The following SCGB2B2 variants were observed in gnomAD, a reference collection of about 807,000 sequenced individuals.
The protein encoded by SCGB2B2 is secretoglobin family 2B member 2, also known as secretoglobin-like protein.
In SCGB2B2, 11 loss-of-function variants were observed where a neutral mutation model predicts 7.6. The observed-to-expected ratio is 1.45, with a 90% CI of 0.91 to 2.40. The LOEUF is 2.40. Among genes scored for constraint, SCGB2B2 ranks in the 30% most tolerant of loss-of-function variants. The pLI, the probability that SCGB2B2 is intolerant of heterozygous loss-of-function variation, is 0.00. For synonymous variants in SCGB2B2, 50 were observed against 48.6 expected (o/e 1.03, Z -0.12); for missense variants, 104 against 115.4 (o/e 0.90, Z 0.45).
intron 1 of SCGB2B2, among the ~76,000 whole-genome samples, chr19:34,665,243 G>A (rs966310532): frequency 9.9e-5 from 15 of 152,238 alleles, no homozygotes; most frequent in Non-Finnish European, 2.1e-4. Flanking sequence ...TGGTCACAAG[G>A]CGTGCAGCCT....
At chr19:34,615,850 C>T (rs1261754522) in intron 1 of SCGB2B2, among the ~76,000 whole-genome samples, 1 of 127,658 alleles carries the variant, frequency 7.8e-6, no homozygotes, top group Non-Finnish European at 1.6e-5. Context: ...CCCCCCACCC[C>T]ACAACAGTCC....
chr19:34,641,482 G>T (rs2066838959), intron 1 of SCGB2B2, among the ~76,000 whole-genome samples: 1 of 152,190 alleles, frequency 6.6e-6, no homozygotes, highest in South Asian at 2.1e-4. Flanking sequence ...TGGGGAATTG[G>T]CAAATTGAAC....
intron 1 of SCGB2B2, among the ~76,000 whole-genome samples, chr19:34,666,045 C>G (rs1277184473): frequency 6.6e-6 from 1 of 152,140 alleles, no homozygotes; most frequent in East Asian, 1.9e-4. Flanking sequence ...CACCTTTCAG[C>G]TGCAGTCTCC....
At chr19:34,664,659 A>G (rs1027578335) in intron 1 of SCGB2B2, among the ~76,000 whole-genome samples, 4 of 152,062 alleles carry the variant, frequency 2.6e-5, no homozygotes, top group African/African-American at 9.7e-5. Context: ...GTGCTGTGTC[A>G]CTGTTCCAGC....
chr19:34,635,545 G>T, intron 1 of SCGB2B2: 1 of 263,340 alleles, frequency 3.8e-6, no homozygotes, highest in South Asian at 5.3e-5. Context: ...TGAACTCTCT[G>T]GTGTACAGTA....
intron 1 of SCGB2B2, among the ~76,000 whole-genome samples, chr19:34,655,869 G>A (rs778108218): frequency 6.6e-6 from 1 of 151,148 alleles, no homozygotes; most frequent in Non-Finnish European, 1.5e-5. Flanking sequence ...CAAGGTCACA[G>A]GAGGAATGCA....
downstream of SCGB2B2, among the ~76,000 whole-genome samples, chr19:34,588,698 C>G (rs2065234150): frequency 6.6e-6 from 1 of 152,198 alleles, no homozygotes. Flanking sequence ...GTGCACTCAA[C>G]CAACATGACC....
At position 34,590,868 on chromosome 19, in the gene SCGB2B2, A is replaced by C. The variant is rs1433001814; in HGVS notation, c.*2687T>G. 3.3e-5 allele frequency among the ~76,000 whole-genome samples: 5 copies of C among 152,188 alleles called. No individual in the cohort carries two copies. Among genetic ancestry groups the C allele is most frequent in the African/African-American group, 1.2e-4 (5 of 41,450 alleles). ...ACATTTTCCTTATTCTTTCAAACAC[A>C]TGTGAAATGCTTTTGCATCTCAAAG... On this transcript the variant is annotated 3_prime_UTR_variant, in exon 4 of 4. Transcript: ENST00000601241.
At chr19:34,621,163 CTTT>C (rs1441169684) in intron 1 of SCGB2B2, among the ~76,000 whole-genome samples, 1 of 152,122 alleles carries the variant, frequency 6.6e-6, no homozygotes, top group East Asian at 1.9e-4. Flanking sequence ...TTAATTATAA[CTTT>C]TTTTGTATAA....
At chr19:34,607,779 A>AT (rs2065822209) in intron 1 of SCGB2B2, among the ~76,000 whole-genome samples, 1 of 152,226 alleles carries the variant, frequency 6.6e-6, no homozygotes, top group African/African-American at 2.4e-5. Flanking sequence ...GCCTTTGCCC[A>AT]TTTTTAATTG....
intron 1 of SCGB2B2, among the ~76,000 whole-genome samples, chr19:34,631,818 A>T (rs987948056): frequency 1.3e-5 from 2 of 152,196 alleles, no homozygotes; most frequent in Non-Finnish European, 2.9e-5. Context: ...ACAAAACAAA[A>T]TAAAAACAGA....
chr19:34,602,091 CTT>C (rs1037019741), intron 1 of SCGB2B2, among the ~76,000 whole-genome samples: 22 of 152,184 alleles, frequency 1.4e-4, no homozygotes, highest in African/African-American at 5.1e-4. Context: ...GGTAGACACT[CTT>C]TGTTAGATTA....
intron 1 of SCGB2B2, among the ~76,000 whole-genome samples, chr19:34,611,588 AT>A (rs1267777412): frequency 1.3e-5 from 2 of 151,820 alleles, no homozygotes; most frequent in Non-Finnish European, 2.9e-5. Context: ...CTTCTGCTGC[AT>A]CCCCCAGGCT....
At chr19:34,615,232 G>A (rs759855602) in intron 1 of SCGB2B2, among the ~76,000 whole-genome samples, 8 of 152,158 alleles carry the variant, frequency 5.3e-5, no homozygotes, top group Non-Finnish European at 1.0e-4. Flanking sequence ...TCTCTGGAAG[G>A]AACACAGCCA....
chr19:34,636,363 G>A lies in SCGB2B2; in HGVS notation c.-2032+39267C>T, dbSNP rs150193078. ...TGATACAATGGGGAGGTCTAGGGAGGAGCAAGGGCACAGCGATGGGATGCA... is the reference window on the plus strand; with the variant it reads ...TGATACAATGGGGAGGTCTAGGGAGAAGCAAGGGCACAGCGATGGGATGCA... On this transcript the variant is annotated intron_variant, in intron 1 of 3. Coordinates refer to ENST00000601241, the MANE Select transcript of SCGB2B2 (RefSeq NM_001025591.4). Among the ~76,000 whole-genome samples the A allele has an allele frequency of 3.2e-3, 481 of 152,274 alleles. 3 individuals carry two copies. The highest frequency in any genetic ancestry group is 5.2e-3 in the Non-Finnish European group (355 of 68,010).
intron 1 of SCGB2B2, among the ~76,000 whole-genome samples, chr19:34,632,239 T>C (rs2066554462): frequency 6.6e-6 from 1 of 152,170 alleles, no homozygotes; most frequent in South Asian, 2.1e-4. Flanking sequence ...AAAAATATGT[T>C]CAATCAAAGG....
At chr19:34,628,196 T>A (rs1425304471) in intron 1 of SCGB2B2, among the ~76,000 whole-genome samples, 1 of 151,832 alleles carries the variant, frequency 6.6e-6, no homozygotes, top group East Asian at 1.9e-4. Context: ...CACCCTAACA[T>A]CACAATTAAA....
At chr19:34,614,719 TG>T (rs2066023532) in intron 1 of SCGB2B2, among the ~76,000 whole-genome samples, 1 of 152,222 alleles carries the variant, frequency 6.6e-6, no homozygotes, top group Non-Finnish European at 1.5e-5. Context: ...GTACATCTGG[TG>T]GAACAATTGC....
chr19:34,627,317 T>C (rs953032615), intron 1 of SCGB2B2, among the ~76,000 whole-genome samples: 2 of 152,046 alleles, frequency 1.3e-5, no homozygotes, highest in Non-Finnish European at 2.9e-5. Context: ...GACTGGCAAA[T>C]TGGATAAAGA....
Sources: gnomAD v4.1 joint callset for allele counts (sites outside exome capture counted in the v4.1 genomes callset) on GRCh38, gnomAD v4.1.1 for gene constraint, MANE v1.5 for transcripts, NCBI Gene and HGNC (gene_info 2026-07-23, HGNC 2026-07-21) for gene names.